The following CRELD1 variants were observed in gnomAD, a reference collection of about 807,000 sequenced individuals.
CRELD1 encodes protein disulfide isomerase CRELD1.
A neutral mutation model predicts 58.2 loss-of-function variants in CRELD1; 42 were observed. The ratio of observed to expected loss-of-function variants is 0.72; its 90% confidence interval spans 0.56 to 0.93. The LOEUF (loss-of-function observed/expected upper bound fraction) is 0.93. Among genes scored for constraint, CRELD1 ranks in the 40% least tolerant of loss-of-function variants. The probability of loss-of-function intolerance (pLI) is 0.00; values close to 1 mark genes in which losing one functional copy is unlikely to be tolerated. For missense variants in CRELD1, 500 were observed against 540.6 expected (o/e 0.92, Z 0.74); for synonymous variants, 222 against 202.0 (o/e 1.10, Z -0.84).
intron 3 of CRELD1, 115 bp from the exon 4 acceptor site, chr3:9,937,447 C>G: frequency 1.3e-6 from 1 of 744,450 alleles, no homozygotes. Flanking sequence ...TTCCATTATA[C>G]CTCATGGCCT....
intron 3 of CRELD1, among the ~76,000 whole-genome samples, chr3:9,935,241 G>A (rs922367975): frequency 8.5e-5 from 13 of 152,204 alleles, no homozygotes; most frequent in African/African-American, 2.4e-4. Context: ...GTGAAGAAGC[G>A]AGCTATGTGA....
chr3:9,942,259 G>A (rs1465666602), intron 7 of CRELD1, among the ~76,000 whole-genome samples: 5 of 146,760 alleles, frequency 3.4e-5, no homozygotes, highest in East Asian at 2.0e-4. Flanking sequence ...TGACAAGAGC[G>A]AAACTCCATC....
At chr3:9,942,720 T>G (rs912756159) in intron 7 of CRELD1, 93 bp from the exon 8 acceptor site, 23 of 989,882 alleles carry the variant, frequency 2.3e-5, no homozygotes, top group Non-Finnish European at 4.9e-6. Flanking sequence ...GCCATACCAT[T>G]TAATCCCAGG....
chr3:9,943,256 G>T, intron 9 of CRELD1, 84 bp downstream of exon 9: 1 of 1,590,156 alleles, frequency 6.3e-7, no homozygotes, highest in Non-Finnish European at 8.6e-7. Context: ...ATGGGCAGGT[G>T]GGGGAAGGAA....
At chr3:9,938,393 G>C in intron 5 of CRELD1, 1 of 419,468 alleles carries the variant, frequency 2.4e-6, no homozygotes, top group Non-Finnish European at 4.4e-6. Context: ...ATCGGACTAT[G>C]GTACCTTCCT....
intron 5 of CRELD1, 79 bp from the exon 6 acceptor site, chr3:9,940,771 G>A: frequency 8.1e-7 from 1 of 1,233,182 alleles, no homozygotes; most frequent in Non-Finnish European, 1.2e-6. Flanking sequence ...AAGGGAGAGG[G>A]AGAGGGAGAG....
At chr3:9,935,014 A>C in intron 3 of CRELD1, 97 bp downstream of exon 3, 4 of 998,208 alleles carry the variant, frequency 4.0e-6, no homozygotes, top group Non-Finnish European at 6.0e-6. Context: ...GCACTTATTC[A>C]TTCAACAAAT....
chr3:9,939,587 G>A (rs1176533969), intron 5 of CRELD1, among the ~76,000 whole-genome samples: 4 of 152,162 alleles, frequency 2.6e-5, no homozygotes, highest in Admixed American at 1.3e-4. Flanking sequence ...ATCTTGCACC[G>A]CCCTTAATCC....
chr3:9,941,027 G>A lies in CRELD1; in HGVS notation c.637+1G>A. 1.9e-6 allele frequency: 3 copies of A among 1,614,222 alleles called. No homozygotes were observed. Among genetic ancestry groups the A allele is most frequent in the South Asian group, 1.1e-5 (1 of 91,088 alleles). ...AACGCCAGCCATCTGGTATGTTCGG[G>A]TAGGTAGCCAAAAGGTGTGGCACTG... On this transcript the variant is annotated splice_donor_variant, in intron 6 of 10. Transcript: ENST00000452070. LOFTEE classifies it high-confidence loss of function.
intron 7 of CRELD1, among the ~76,000 whole-genome samples, chr3:9,941,789 CAAAAAAAA>C (rs34088708): frequency 1.7e-3 from 36 of 20,628 alleles, no homozygotes; most frequent in Admixed American, 4.6e-3. Flanking sequence ...GACTCCATCT[CAAAAAAAA>C]AAAAAAAAAA....
chr3:9,943,051 C>T, intron 8 of CRELD1, 26 bp from the exon 9 acceptor site: 1 of 1,607,268 alleles, frequency 6.2e-7, no homozygotes, highest in Non-Finnish European at 8.5e-7. Flanking sequence ...GCACATCTCA[C>T]CCTCATCTTT....
At chr3:9,943,907 T>C in intron 10 of CRELD1, 1 of 1,591,618 alleles carries the variant, frequency 6.3e-7, no homozygotes, top group South Asian at 1.1e-5. Context: ...TCTAGGTGCA[T>C]TCCCCATCTT....
At position 9,937,689 on chromosome 3, in the gene CRELD1, C is replaced by G; in HGVS notation, c.368+17C>G. The G allele has an allele frequency of 6.4e-7, 1 of 1,561,502 alleles. No individual in the cohort carries two copies. The highest frequency in any genetic ancestry group is 1.1e-5 in the South Asian group (1 of 87,062). On this transcript the variant is annotated intron_variant, in intron 4 of 10. Coordinates refer to ENST00000452070, the MANE Select transcript of CRELD1 (RefSeq NM_001077415.3). ...GTTTCACAAGTGAGTGGCAAAGGGC[C>G]TTCCCTGGAAGTGGGTCACAGGTGA...
intron 5 of CRELD1, chr3:9,938,319 G>C (rs891763546): frequency 7.4e-5 from 43 of 579,078 alleles, no homozygotes; most frequent in Admixed American, 5.6e-4. Flanking sequence ...GTCATATGCA[G>C]TATAGTTATC....
At position 9,940,903 on chromosome 3, in the gene CRELD1, G is replaced by C. The variant is rs1310623803; in HGVS notation, c.514G>C (p.Glu172Gln). ...CGGTGGCTACGGGCAGTGTGAAGGA[G>C]AAGGGACACGAGGGGGCAGCGGGCA... is the stretch of plus-strand genomic sequence containing the variant. ...PCGGYGQCEG[E>Q]GTRGGSGHCD... The change falls in exon 6 of 11, where the codon GAA becomes CAA. Residue 172 changes from glutamate (E) to glutamine (Q), a missense_variant. Physicochemically the swap from Glu to Gln is conservative, Grantham distance 29 (BLOSUM62 2). Transcript: ENST00000452070. 1 of 1,614,166 alleles carries C rather than the reference G, an allele frequency of 6.2e-7. No individual in the cohort carries two copies. The highest frequency in any genetic ancestry group is 8.5e-7 in the Non-Finnish European group (1 of 1,180,014).
rs1435269001 is a variant in CRELD1 at position 9,934,525 on chromosome 3, C to G, written c.87C>G (p.Leu29=). Residue 29 remains leucine, a synonymous_variant, in exon 2 of 11, where the codon CTC becomes CTG. Transcript: ENST00000452070. ...TCAACCTCCCAGGACCTATCTGGCT[C>G]CAGCCCTCTCCACCTCCCCAGTCTT... The part of the protein sequence containing the change: ...LFLNLPGPIW[L]QPSPPPQSSP... 1 of 1,614,036 alleles carries G rather than the reference C, an allele frequency of 6.2e-7. No individual in the cohort carries two copies. The highest frequency in any genetic ancestry group is 8.5e-7 in the Non-Finnish European group (1 of 1,179,972).
Position 9,934,444 on chromosome 3 carries a change from C to T in CRELD1, c.6C>T (p.Ala2=). The change falls in exon 2 of 11, where the codon GCC becomes GCT. Residue 2 remains alanine (A), a synonymous_variant. Coordinates refer to ENST00000452070, the MANE Select transcript of CRELD1 (RefSeq NM_001077415.3). ...GGTCCCCAGCCTGGGTAAAGATGGC[C>T]CCATGGCCCCCGAAGGGCCTAGTCC... M[A]PWPPKGLVPA... The T allele has an allele frequency of 6.2e-7, 1 of 1,613,776 alleles. No individual in the cohort carries two copies.
At chr3:9,934,722 T>C (rs2085118876) in intron 2 of CRELD1, 110 bp downstream of exon 2, 1 of 1,502,962 alleles carries the variant, frequency 6.7e-7, no homozygotes, top group South Asian at 1.2e-5. Flanking sequence ...TTACTAGTTG[T>C]ATGGCCCTAG....
rs1456657618 is a variant in CRELD1 at position 9,937,580 on chromosome 3, G to A, written c.276G>A (p.Glu92=). Residue 92 remains glutamate, a synonymous_variant, in exon 4 of 11, where the codon GAG becomes GAA. Transcript: ENST00000452070. ...KYKDSETRLV[E]VLEGVCSKSD... ...CGATCAGTGAGACCCGCCTGGTAGA[G>A]GTGCTGGAGGGTGTGTGCAGCAAGT... 6.2e-7 allele frequency: 1 copy of A among 1,611,778 alleles called. No homozygotes were observed. Among genetic ancestry groups the A allele is most frequent in the South Asian group, 1.1e-5 (1 of 90,316 alleles).
Sources: allele counts gnomAD v4.1 joint callset (sites outside exome capture counted in the v4.1 genomes callset), GRCh38; gene constraint gnomAD v4.1.1; transcripts MANE v1.5; gene names NCBI Gene and HGNC (gene_info 2026-07-23, HGNC 2026-07-21).